Variants in EBF2 observed in about 807,000 individuals in gnomAD.
EBF2 encodes transcription factor COE2.
Under a neutral mutation model 72.8 loss-of-function variants are expected in EBF2, and 21 were observed. The observed-to-expected ratio is 0.29, with a 90% confidence interval of 0.20 to 0.42. The LOEUF is 0.42. Among genes scored for constraint, EBF2 ranks in the 10% least tolerant of loss-of-function variants. The probability of loss-of-function intolerance (pLI) is 1.00; values close to 1 mark genes in which losing one functional copy is unlikely to be tolerated. For synonymous variants in EBF2, 299 were observed against 274.2 expected (o/e 1.09, Z -0.89); for missense variants, 637 against 731.2 (o/e 0.87, Z 1.49).
In EBF2 at chr8:25,901,190, G is replaced by T. The variant is rs540496257; in HGVS notation, c.633+7284C>A. Among the ~76,000 whole-genome samples the T allele has an allele frequency of 2.6e-5, 4 of 152,212 alleles. 1 individual carries two copies. The South Asian group carries it at 8.3e-4, about 32-fold the overall frequency. ...CTCAGCATTTTGAGAGGTTGAGACG[G>T]GTGGGTGAATCACTTGATCTCAGGA... On this transcript the variant is annotated intron_variant, in intron 7 of 15. Coordinates refer to ENST00000520164, the MANE Select transcript of EBF2 (RefSeq NM_022659.4).
chr8:25,908,809 G>C (rs778174883), intron 6 of EBF2, among the ~76,000 whole-genome samples: 1 of 152,148 alleles, frequency 6.6e-6, no homozygotes. Context: ...GCTTTGGTTT[G>C]TACACTGGCC....
intron 6 of EBF2, among the ~76,000 whole-genome samples, chr8:26,022,758 A>G (rs932804078): frequency 6.6e-6 from 1 of 152,196 alleles, no homozygotes; most frequent in Non-Finnish European, 1.5e-5. Context: ...TTTTGAGGTT[A>G]CAACAAAACT....
At chr8:25,962,259 A>G (rs1239121228) in intron 6 of EBF2, among the ~76,000 whole-genome samples, 1 of 152,162 alleles carries the variant, frequency 6.6e-6, no homozygotes, top group Non-Finnish European at 1.5e-5. Context: ...TGTAAGCAAT[A>G]TGAGTGCAGG....
chr8:25,852,323 C>CA (rs960822486), intron 14 of EBF2, among the ~76,000 whole-genome samples: 1 of 149,832 alleles, frequency 6.7e-6, no homozygotes, highest in Non-Finnish European at 1.5e-5. Context: ...AATCCAAAAG[C>CA]AAAAAATCCC....
At chr8:25,859,721 C>CTTTTTTT (rs202200790) in intron 13 of EBF2, among the ~76,000 whole-genome samples, 1 of 142,932 alleles carries the variant, frequency 7.0e-6, no homozygotes, top group Admixed American at 7.1e-5. Flanking sequence ...CCTGTCTAGT[C>CTTTTTTT]TTTTTTTTTT....
intron 6 of EBF2, among the ~76,000 whole-genome samples, chr8:25,974,655 C>T (rs753048491): frequency 3.0e-4 from 46 of 152,198 alleles, no homozygotes; most frequent in Non-Finnish European, 5.1e-4. Flanking sequence ...CTATTTCTGA[C>T]AATATACAAA....
At chr8:25,895,755 T>C (rs1802855243) in intron 7 of EBF2, among the ~76,000 whole-genome samples, 1 of 152,246 alleles carries the variant, frequency 6.6e-6, no homozygotes, top group Non-Finnish European at 1.5e-5. Flanking sequence ...GACACATCCG[T>C]TAATCTGCCT....
intron 6 of EBF2, among the ~76,000 whole-genome samples, chr8:25,966,089 T>C (rs73555922): frequency 1.3e-5 from 2 of 152,346 alleles, no homozygotes; most frequent in African/African-American, 4.8e-5. Context: ...GCCAGAGGTA[T>C]GCATTTGACC....
chr8:25,916,659 G>A (rs140916987), intron 6 of EBF2, among the ~76,000 whole-genome samples: 3 of 152,094 alleles, frequency 2.0e-5, no homozygotes, highest in African/African-American at 7.2e-5. Context: ...AACCACACAT[G>A]TCATTAATCC....
chr8:26,001,312 A>C (rs1370024226), intron 6 of EBF2, among the ~76,000 whole-genome samples: 2 of 152,134 alleles, frequency 1.3e-5, no homozygotes, highest in African/African-American at 4.8e-5. Context: ...AGAAAGGAGG[A>C]AGGATGAGAC....
At chr8:25,875,058 T>C (rs551343333) in intron 10 of EBF2, among the ~76,000 whole-genome samples, 1 of 152,260 alleles carries the variant, frequency 6.6e-6, no homozygotes, top group South Asian at 2.1e-4. Flanking sequence ...TGGGCTCCCT[T>C]GGCCTTCTCT....
At chr8:25,921,487 C>A (rs562236293) in intron 6 of EBF2, among the ~76,000 whole-genome samples, 32 of 152,292 alleles carry the variant, frequency 2.1e-4, no homozygotes, top group Middle Eastern at 3.4e-3. Flanking sequence ...TACCCAACCC[C>A]TATATCTGTA....
At chr8:25,922,466 C>T (rs1397409292) in intron 6 of EBF2, among the ~76,000 whole-genome samples, 1 of 152,114 alleles carries the variant, frequency 6.6e-6, no homozygotes, top group Non-Finnish European at 1.5e-5. Flanking sequence ...AAGGATGAGT[C>T]AAATAAGAAA....
chr8:25,947,708 A>G (rs17237257), intron 6 of EBF2, among the ~76,000 whole-genome samples: 58,287 of 152,086 alleles, frequency 0.38, 11,808 homozygotes, highest in Non-Finnish European at 0.45. Flanking sequence ...TTTCTTGCAC[A>G]TGCACAAGGA....
chr8:26,025,573 C>G (rs1352496840), intron 6 of EBF2, among the ~76,000 whole-genome samples: 1 of 152,102 alleles, frequency 6.6e-6, no homozygotes, highest in African/African-American at 2.4e-5. Flanking sequence ...AGTGAACTTT[C>G]CAGCACCACC....
chr8:25,922,955 A>G (rs1186955695), intron 6 of EBF2, among the ~76,000 whole-genome samples: 1 of 59,698 alleles, frequency 1.7e-5, no homozygotes, highest in Non-Finnish European at 2.9e-5. Flanking sequence ...CTACTAAAGG[A>G]AAAAAAAAAA....
chr8:25,871,599 A>G (rs1802440290), intron 10 of EBF2, among the ~76,000 whole-genome samples: 1 of 152,210 alleles, frequency 6.6e-6, no homozygotes, highest in Non-Finnish European at 1.5e-5. Context: ...GGAATTCAAG[A>G]GAGAAAACTC....
At chr8:25,993,183 C>A (rs1161228256) in intron 6 of EBF2, among the ~76,000 whole-genome samples, 3 of 152,140 alleles carry the variant, frequency 2.0e-5, no homozygotes, top group African/African-American at 7.2e-5. Flanking sequence ...AATGAAGTGC[C>A]CAGAACCTTA....
intron 10 of EBF2, among the ~76,000 whole-genome samples, chr8:25,868,040 C>T (rs1347664856): frequency 6.6e-6 from 1 of 152,166 alleles, no homozygotes; most frequent in Admixed American, 6.5e-5. Flanking sequence ...AATTATTTAA[C>T]CTATCTGGAT....
Sources: allele counts gnomAD v4.1 joint callset (sites outside exome capture counted in the v4.1 genomes callset), GRCh38; gene constraint gnomAD v4.1.1; transcripts MANE v1.5; gene names NCBI Gene and HGNC (gene_info 2026-07-23, HGNC 2026-07-21).